Variants in SPATA6L observed in about 807,000 individuals in gnomAD.
The protein encoded by SPATA6L is spermatogenesis associated 6 like.
SPATA6L carries 68 observed loss-of-function variants against 49.2 expected under a neutral mutation model. The ratio of observed to expected loss-of-function variants is 1.38; its 90% CI spans 1.14 to 1.69. The LOEUF is 1.69. Ranked by LOEUF, SPATA6L falls within the 40% of genes most tolerant of loss-of-function variation. The probability of loss-of-function intolerance (pLI) is 0.00; values close to 1 mark genes in which losing one functional copy is unlikely to be tolerated. For synonymous variants in SPATA6L, 198 were observed against 165.7 expected, an observed-to-expected ratio of 1.19 and a Z score of -1.50; for missense variants, 668 against 464.3, an observed-to-expected ratio of 1.44 and a Z score of -4.03.
chr9:4,656,097 GA>G lies in SPATA6L; in HGVS notation c.178-9del. ...TACTGCACTTTCAAATACCTGCAGA[GA>G]AAAATGGGGAAAATAAATTTTCAAA... On this transcript the variant is annotated splice_polypyrimidine_tract_variant and intron_variant, in intron 2 of 11. Transcript: ENST00000682582. 1 of 1,609,024 alleles carries G rather than the reference GA, an allele frequency of 6.2e-7. No individual in the cohort carries two copies. Among genetic ancestry groups the G allele is most frequent in the Non-Finnish European group, 8.5e-7 (1 of 1,177,018 alleles).
rs1839991856 is a variant in SPATA6L at position 4,662,305 on chromosome 9, G to A, written c.40-269C>T. 1.4e-6 allele frequency: 2 copies of A among 1,435,754 alleles called. No homozygotes were observed. The highest frequency in any genetic ancestry group is 5.7e-5 in the Admixed American group (2 of 35,084). The allele number at this position is 1,435,754 out of a possible 1,614,324, so 88.9% of individuals were successfully genotyped here. The stretch of plus-strand genomic sequence containing the variant: ...CCCTCCGGGATGGTAGTGCGGAAGC[G>A]GAAGAGGCTGCAGGGCCGGGAAGCC... On this transcript the variant is annotated intron_variant, in intron 1 of 11. Coordinates refer to ENST00000682582, the MANE Select transcript of SPATA6L (RefSeq NM_001353486.2). This position sits in a 1 kb window ranked among gnomAD's most constrained non-coding sequence, Gnocchi z 4.9.
At chr9:4,645,899 T>C (rs559740941) in intron 3 of SPATA6L, among the ~76,000 whole-genome samples, 1 of 152,330 alleles carries the variant, frequency 6.6e-6, no homozygotes, top group African/African-American at 2.4e-5. Context: ...GAAAATGTTC[T>C]GGAATTAGTG....
intron 5 of SPATA6L, chr9:4,627,801 AG>A (rs1830627345): frequency 7.8e-7 from 1 of 1,289,404 alleles, no homozygotes; most frequent in Non-Finnish European, 1.0e-6. Context: ...AGCAAAAGAA[AG>A]GTGGCCCCAT....
At chr9:4,659,391 CAG>C (rs1839065807) in intron 2 of SPATA6L, among the ~76,000 whole-genome samples, 2 of 151,670 alleles carry the variant, frequency 1.3e-5, no homozygotes, top group East Asian at 1.9e-4. Context: ...AACAGACAAA[CAG>C]AGAGCGAAAT....
intron 3 of SPATA6L, among the ~76,000 whole-genome samples, chr9:4,648,562 T>C (rs561049383): frequency 5.7e-4 from 87 of 151,758 alleles, no homozygotes; most frequent in African/African-American, 1.8e-3. Flanking sequence ...TAGCCGGGCG[T>C]GGTGGCGGGA....
chr9:4,638,388 C>A (rs936515698), intron 3 of SPATA6L, among the ~76,000 whole-genome samples: 1 of 152,050 alleles, frequency 6.6e-6, no homozygotes, highest in Non-Finnish European at 1.5e-5. Flanking sequence ...AATTTTTGTA[C>A]TTTTAGTAGA....
intron 9 of SPATA6L, among the ~76,000 whole-genome samples, chr9:4,608,018 T>C (rs989343069): frequency 7.3e-5 from 11 of 150,778 alleles, no homozygotes; most frequent in Non-Finnish European, 1.3e-4. Flanking sequence ...AAACAGACTT[T>C]AAACCAATAA....
rs984502236 is a variant in SPATA6L at position 4,628,103 on chromosome 9, G to T, written c.429+988C>A. 7.8e-5 allele frequency: 23 copies of T among 295,194 alleles called. No individual in the cohort carries two copies. The Admixed American group carries it at 1.1e-3, about 14-fold the overall frequency. 18.3% of individuals were successfully genotyped at this position (295,194 alleles called of 1,614,324 possible). A position where few individuals can be genotyped will look rare whatever the true frequency, so the allele number is the denominator to read the frequency against. ...TAGAATGATGGTTACCAGAGGCTGG[G>T]AAGGGTCATGAGAGCTGAGGGGGAG... On this transcript the variant is annotated intron_variant, in intron 5 of 11. Transcript: ENST00000682582.
chr9:4,638,083 GTCTAA>G (rs758568318), intron 3 of SPATA6L, among the ~76,000 whole-genome samples: 1 of 152,100 alleles, frequency 6.6e-6, no homozygotes, highest in Non-Finnish European at 1.5e-5. Context: ...GGAGCTTACA[GTCTAA>G]GAGTATTAAA....
In SPATA6L at chr9:4,666,385, C is replaced by G. The variant is rs1332189347; in HGVS notation, c.-135G>C. 1 of 895,340 alleles carries G rather than the reference C, an allele frequency of 1.1e-6. No homozygotes were observed. The highest frequency in any genetic ancestry group is 1.8e-6 in the Non-Finnish European group (1 of 552,780). The allele number at this position is 895,340 out of a possible 1,614,324, so 55.5% of individuals were successfully genotyped here. A position where few individuals can be genotyped will look rare whatever the true frequency, so the allele number is the denominator to read the frequency against. On this transcript the variant is annotated 5_prime_UTR_variant, in exon 1 of 12. Coordinates refer to ENST00000682582, the MANE Select transcript of SPATA6L (RefSeq NM_001353486.2). Reference sequence around the variant, plus strand: ...TTCCCCAGTCCCACGCCCTTGTTCCCCTACCGTCCCCCCCAGCCCAGGTCC... The same window carrying G: ...TTCCCCAGTCCCACGCCCTTGTTCCGCTACCGTCCCCCCCAGCCCAGGTCC...
intron 2 of SPATA6L, among the ~76,000 whole-genome samples, chr9:4,656,479 AG>A (rs1838240507): frequency 6.7e-6 from 1 of 149,190 alleles, no homozygotes; most frequent in African/African-American, 2.6e-5. Flanking sequence ...GAAGGAAGGA[AG>A]GAAGGAAGGA....
intron 5 of SPATA6L, chr9:4,627,793 C>A: frequency 7.8e-7 from 1 of 1,289,296 alleles, no homozygotes; most frequent in South Asian, 1.2e-5. Context: ...TCAGCCTCAG[C>A]AAAAGAAAGG....
chr9:4,662,053 A>T lies in SPATA6L; in HGVS notation c.40-17T>A. Reference sequence around the variant, plus strand: ...GCAAGAAATCTTAAAAAGAAAGAAAACAACAAACAAGGGAGAGAAAACAGA... The same window carrying T: ...GCAAGAAATCTTAAAAAGAAAGAAATCAACAAACAAGGGAGAGAAAACAGA... On this transcript the variant is annotated splice_polypyrimidine_tract_variant and intron_variant, in intron 1 of 11. Coordinates refer to ENST00000682582, the MANE Select transcript of SPATA6L (RefSeq NM_001353486.2). The surrounding 1 kb of genome is among the most constrained non-coding windows in gnomAD (Gnocchi z 4.9). 6.2e-7 allele frequency: 1 copy of T among 1,612,684 alleles called. No homozygotes were observed. Among genetic ancestry groups the T allele is most frequent in the Non-Finnish European group, 8.5e-7 (1 of 1,179,354 alleles).
chr9:4,603,959 G>C (rs1173225399), intron 11 of SPATA6L, among the ~76,000 whole-genome samples: 1 of 152,152 alleles, frequency 6.6e-6, no homozygotes, highest in Non-Finnish European at 1.5e-5. Context: ...TGATGTTGCG[G>C]GCAGGGGAGA....
intron 11 of SPATA6L, among the ~76,000 whole-genome samples, chr9:4,603,359 G>A (rs539288369): frequency 1.3e-5 from 2 of 152,274 alleles, no homozygotes; most frequent in East Asian, 3.9e-4. Flanking sequence ...GAACCTGGGG[G>A]GTGGAGGTTG....
chr9:4,592,700 T>C (rs1485423894), intron 13 of SPATA6L, among the ~76,000 whole-genome samples: 1 of 152,214 alleles, frequency 6.6e-6, no homozygotes, highest in East Asian at 1.9e-4. Context: ...CATAGCATAG[T>C]AGCTATAGTT....
chr9:4,615,922 T>C (rs1827880226), intron 9 of SPATA6L, among the ~76,000 whole-genome samples: 1 of 152,174 alleles, frequency 6.6e-6, no homozygotes, highest in African/African-American at 2.4e-5. Context: ...AGAAGCACTT[T>C]GTGGCTGTAT....
intron 3 of SPATA6L, among the ~76,000 whole-genome samples, chr9:4,652,608 G>C (rs919120858): frequency 2.4e-4 from 36 of 152,046 alleles, no homozygotes; most frequent in African/African-American, 8.4e-4. Flanking sequence ...CCAGCATTTT[G>C]GGAGTCCAAG....
At chr9:4,607,252 T>G (rs1825505272) in intron 9 of SPATA6L, among the ~76,000 whole-genome samples, 1 of 152,022 alleles carries the variant, frequency 6.6e-6, no homozygotes, top group Non-Finnish European at 1.5e-5. Context: ...TTCCCCAATC[T>G]AGCAAGGCAG....
Sources: gnomAD v4.1 joint callset for allele counts (sites outside exome capture counted in the v4.1 genomes callset) on GRCh38, gnomAD v4.1.1 for gene constraint, Gnocchi (gnomAD v3.1) non-coding constraint, MANE v1.5 for transcripts, NCBI Gene and HGNC (gene_info 2026-07-23, HGNC 2026-07-21) for gene names.